The following DEPTOR variants were observed in gnomAD, a reference collection of about 807,000 sequenced individuals.
The protein encoded by DEPTOR is DEP domain-containing mTOR-interacting protein.
Under a neutral mutation model 41.6 loss-of-function variants are expected in DEPTOR, and 41 were observed. That is an observed-to-expected ratio of 0.98 (90% CI 0.77 to 1.28). The LOEUF is 1.28. DEPTOR is among the 50% of genes most tolerant of loss of function. The probability of loss-of-function intolerance (pLI) is 0.00; values close to 1 mark genes in which losing one functional copy is unlikely to be tolerated. For missense variants in DEPTOR, 514 were observed against 527.9 expected (o/e 0.97, Z 0.26); for synonymous variants, 195 against 192.3 (o/e 1.01, Z -0.12).
chr8:119,937,058 T>A lies in DEPTOR; in HGVS notation c.425+7120T>A, dbSNP rs1160600729. On this transcript the variant is annotated intron_variant, in intron 3 of 8. Transcript: ENST00000286234. Reference sequence around the variant, plus strand: ...AATATAAATAAATAAAGTAATTTTTTAAAAAGAAATGTTTCTTAAACTGAG... The same window carrying A: ...AATATAAATAAATAAAGTAATTTTTAAAAAAGAAATGTTTCTTAAACTGAG... Among the ~76,000 whole-genome samples, 5 of 151,856 alleles carry A rather than the reference T, an allele frequency of 3.3e-5. No homozygotes were observed. The South Asian group carries it at 6.2e-4, about 19-fold the overall frequency.
chr8:119,949,507 T>C (rs932491410), intron 3 of DEPTOR, among the ~76,000 whole-genome samples: 1 of 152,248 alleles, frequency 6.6e-6, no homozygotes, highest in Non-Finnish European at 1.5e-5. Context: ...ATGAGGCTTC[T>C]AGTTTATATC....
At chr8:119,911,311 CTTTTTTT>C (rs147066045) in intron 1 of DEPTOR, among the ~76,000 whole-genome samples, 4 of 105,476 alleles carry the variant, frequency 3.8e-5, no homozygotes, top group Non-Finnish European at 5.4e-5. Context: ...TACACACATT[CTTTTTTT>C]TTTTTTTTTT....
intron 6 of DEPTOR, among the ~76,000 whole-genome samples, chr8:120,004,354 C>T (rs998891788): frequency 6.6e-6 from 1 of 152,146 alleles, no homozygotes; most frequent in East Asian, 1.9e-4. Context: ...GCTGAAGAGT[C>T]GTTGAGTACT....
In DEPTOR at chr8:119,929,925, AGG is replaced by A. The variant is rs1431601646; in HGVS notation, c.413_414del (p.Arg138ThrfsTer3). The A allele has an allele frequency of 6.2e-7, 1 of 1,612,278 alleles. No individual in the cohort carries two copies. Among genetic ancestry groups the A allele is most frequent in the Non-Finnish European group, 8.5e-7 (1 of 1,178,764 alleles). ...AGTGAAGGCCTTTATGAGAGGACAG[AGG>A]CTATATGAAAAGTATGTTCCGCATG... is the stretch of plus-strand genomic sequence containing the variant. ...NEVKAFMRGQRLYEKLMSPEN... is the reference protein window; with the variant it reads ...NEVKAFMRGQXLYEKLMSPEN... On this transcript the variant is annotated frameshift_variant, in exon 3 of 9. Transcript: ENST00000286234. LOFTEE classifies it high-confidence loss of function.
rs188963428 is a variant in DEPTOR at position 119,927,184 on chromosome 8, G to A, written c.123-1216G>A. ...CCCTATGAAGTTCTGGAACCACTGG[G>A]TGCAGAGTACAGAGCTCTGGCCGTT... is the stretch of plus-strand genomic sequence containing the variant. On this transcript the variant is annotated intron_variant, in intron 1 of 8. Coordinates refer to ENST00000286234, the MANE Select transcript of DEPTOR (RefSeq NM_022783.4). Among the ~76,000 whole-genome samples, 30 of 152,212 alleles carry A rather than the reference G, an allele frequency of 2.0e-4. No individual in the cohort carries two copies. In the East Asian group the frequency reaches 5.0e-3, roughly 25 times the overall value.
intron 1 of DEPTOR, among the ~76,000 whole-genome samples, chr8:119,919,300 C>T (rs1174105260): frequency 6.6e-6 from 1 of 152,082 alleles, no homozygotes; most frequent in Non-Finnish European, 1.5e-5. Context: ...ATTTTTTGCA[C>T]AGTAGGTAGA....
chr8:119,981,318 C>A (rs1280680503), intron 4 of DEPTOR, among the ~76,000 whole-genome samples: 1 of 152,176 alleles, frequency 6.6e-6, no homozygotes, highest in Non-Finnish European at 1.5e-5. Context: ...CTTTTTCTTT[C>A]CACTCCGTTT....
chr8:119,947,290 T>G (rs1828292082), intron 3 of DEPTOR, among the ~76,000 whole-genome samples: 1 of 152,232 alleles, frequency 6.6e-6, no homozygotes, highest in Non-Finnish European at 1.5e-5. Flanking sequence ...TCTGGAGTAC[T>G]GTTTTGTACT....
chr8:120,006,727 A>G, intron 6 of DEPTOR, 78 bp from the exon 7 acceptor site: 4 of 1,290,796 alleles, frequency 3.1e-6, no homozygotes, highest in Non-Finnish European at 3.4e-6. Flanking sequence ...CACCTACGAG[A>G]TATCAATAAA....
intron 8 of DEPTOR, among the ~76,000 whole-genome samples, chr8:120,041,071 C>G (rs1416140231): frequency 6.6e-6 from 1 of 152,140 alleles, no homozygotes; most frequent in African/African-American, 2.4e-5. Context: ...CAGAAGCAGC[C>G]TTCCCCTTCA....
chr8:119,953,818 T>A (rs1261387589), intron 3 of DEPTOR, among the ~76,000 whole-genome samples: 1 of 139,004 alleles, frequency 7.2e-6, no homozygotes, highest in Non-Finnish European at 1.6e-5. Flanking sequence ...TTTTTTTTTT[T>A]TCTTAAGACA....
At chr8:120,005,392 C>T (rs895060347) in intron 6 of DEPTOR, among the ~76,000 whole-genome samples, 1 of 152,228 alleles carries the variant, frequency 6.6e-6, no homozygotes, top group Non-Finnish European at 1.5e-5. Context: ...CAACAAGAAG[C>T]ACTGGATTGC....
chr8:120,034,104 G>A (rs1196133541), intron 8 of DEPTOR, among the ~76,000 whole-genome samples: 1 of 152,018 alleles, frequency 6.6e-6, no homozygotes, highest in Non-Finnish European at 1.5e-5. Flanking sequence ...CTCTCCCCTG[G>A]GGGCATCCAG....
intron 8 of DEPTOR, among the ~76,000 whole-genome samples, chr8:120,017,511 T>C (rs767451798): frequency 2.0e-5 from 3 of 152,214 alleles, no homozygotes; most frequent in African/African-American, 7.2e-5. Context: ...AGAGAATTTG[T>C]ATTCTTGTTG....
At chr8:119,931,544 C>T (rs757770376) in intron 3 of DEPTOR, among the ~76,000 whole-genome samples, 9 of 152,150 alleles carry the variant, frequency 5.9e-5, no homozygotes, top group Admixed American at 4.6e-4. Flanking sequence ...ACAGTACTGA[C>T]GGCCACCCTC....
chr8:120,002,693 G>A (rs998489478), intron 5 of DEPTOR, among the ~76,000 whole-genome samples: 53 of 145,414 alleles, frequency 3.6e-4, no homozygotes, highest in Non-Finnish European at 5.5e-4. Context: ...CAAGAGAATC[G>A]CATGAACCCA....
intron 8 of DEPTOR, among the ~76,000 whole-genome samples, chr8:120,014,249 T>C (rs920844648): frequency 6.6e-6 from 1 of 152,232 alleles, no homozygotes; most frequent in African/African-American, 2.4e-5. Flanking sequence ...TCCTGCATTT[T>C]TCCTTTGATG....
At chr8:120,028,482 C>T (rs1413923758) in intron 8 of DEPTOR, among the ~76,000 whole-genome samples, 5 of 116,120 alleles carry the variant, frequency 4.3e-5, no homozygotes, top group African/African-American at 7.0e-5. Flanking sequence ...TTTCCTGAGA[C>T]GGAGTCTCTC....
chr8:119,887,095 TC>T (rs1415478348), intron 1 of DEPTOR, among the ~76,000 whole-genome samples: 1 of 118,968 alleles, frequency 8.4e-6, no homozygotes, highest in Non-Finnish European at 1.7e-5. Context: ...TTTTTACCAG[TC>T]CCTTCCCCTT....
Sources: allele counts gnomAD v4.1 joint callset (sites outside exome capture counted in the v4.1 genomes callset), GRCh38; gene constraint gnomAD v4.1.1; transcripts MANE v1.5; gene names NCBI Gene and HGNC (gene_info 2026-07-23, HGNC 2026-07-21).